OPCML: variants seen among roughly 807,000 people sequenced by gnomAD.
OPCML encodes the protein opioid-binding protein/cell adhesion molecule.
In OPCML, 13 loss-of-function variants were observed where a neutral mutation model predicts 37.8. That is an observed-to-expected ratio of 0.34 (90% confidence interval 0.22 to 0.55). OPCML has a LOEUF of 0.55. Ranked by LOEUF, OPCML falls within the 20% of genes least tolerant of loss-of-function variation. OPCML has a pLI of 0.91. For synonymous variants in OPCML, 176 were observed against 168.8 expected, an observed-to-expected ratio of 1.04 and a Z score of -0.33; for missense variants, 341 against 435.6, an observed-to-expected ratio of 0.78 and a Z score of 1.93.
At chr11:133,401,563 C>T (rs917750724) in intron 1 of OPCML, among the ~76,000 whole-genome samples, 1 of 151,982 alleles carries the variant, frequency 6.6e-6, no homozygotes, top group South Asian at 2.1e-4. Flanking sequence ...TTTCTAAATG[C>T]TATGTTGATA....
intron 1 of OPCML, among the ~76,000 whole-genome samples, chr11:133,157,541 T>C (rs576970385): frequency 6.6e-6 from 1 of 152,356 alleles, no homozygotes; most frequent in South Asian, 2.1e-4. Flanking sequence ...TGAGGAGTTA[T>C]CAGCAATGCC....
chr11:133,398,388 T>C (rs972752673), intron 1 of OPCML, among the ~76,000 whole-genome samples: 7 of 152,186 alleles, frequency 4.6e-5, no homozygotes, highest in African/African-American at 1.7e-4. Flanking sequence ...CACTACACTG[T>C]ACACTCCTCC....
chr11:132,458,081 A>C (rs2136892729), intron 4 of OPCML, among the ~76,000 whole-genome samples: 1 of 152,270 alleles, frequency 6.6e-6, no homozygotes, highest in Admixed American at 6.5e-5. Flanking sequence ...GGGAAAGACT[A>C]TTCTATCCTG....
At chr11:133,242,946 A>G (rs1413113556) in intron 1 of OPCML, among the ~76,000 whole-genome samples, 4 of 152,240 alleles carry the variant, frequency 2.6e-5, no homozygotes, top group Non-Finnish European at 4.4e-5. Flanking sequence ...AATATAAGTC[A>G]AACAAAATCA....
At chr11:132,532,924 T>G (rs2096329992) in intron 3 of OPCML, among the ~76,000 whole-genome samples, 1 of 152,212 alleles carries the variant, frequency 6.6e-6, no homozygotes, top group Admixed American at 6.5e-5. Context: ...GATGACTTTG[T>G]GAAGAAAGGA....
At chr11:132,684,599 G>T (rs569994579) in intron 2 of OPCML, among the ~76,000 whole-genome samples, 1 of 152,190 alleles carries the variant, frequency 6.6e-6, no homozygotes, top group Non-Finnish European at 1.5e-5. Flanking sequence ...ATCCTGTTAT[G>T]AAAATAAATA....
At chr11:132,583,392 G>T (rs2096466142) in intron 3 of OPCML, among the ~76,000 whole-genome samples, 1 of 151,990 alleles carries the variant, frequency 6.6e-6, no homozygotes. Context: ...TCGAACTTTT[G>T]GCTTCAAGTG....
At chr11:133,396,851 G>C (rs1194794931) in intron 1 of OPCML, among the ~76,000 whole-genome samples, 1 of 152,214 alleles carries the variant, frequency 6.6e-6, no homozygotes, top group Non-Finnish European at 1.5e-5. Flanking sequence ...CATCCAAAAA[G>C]TGATCCCTTA....
At chr11:133,140,249 C>T (rs562443467) in intron 1 of OPCML, among the ~76,000 whole-genome samples, 145 of 147,878 alleles carry the variant, frequency 9.8e-4, no homozygotes, top group African/African-American at 3.0e-3. Flanking sequence ...CGGTGGCTTA[C>T]GCCTGTAATC....
intron 1 of OPCML, among the ~76,000 whole-genome samples, chr11:133,322,045 T>G (rs1943341994): frequency 6.6e-6 from 1 of 152,192 alleles, no homozygotes; most frequent in Admixed American, 6.5e-5. Flanking sequence ...TGCCATCAAC[T>G]TTCAATTATT....
In OPCML at chr11:133,340,136, T is replaced by C. The variant is rs575341567; in HGVS notation, c.61+192128A>G. On this transcript the variant is annotated intron_variant, in intron 1 of 7. Transcript: ENST00000524381. ...TTTGTCTACATGGCAGTGAGAACTC[T>C]GTGGATTGCAGTAGGACATCACCTC... 2.6e-3 allele frequency among the ~76,000 whole-genome samples: 391 copies of C among 152,350 alleles called. 2 individuals carry two copies. The highest frequency in any genetic ancestry group is 0.01 in the Middle Eastern group (3 of 294).
rs566347386 is a variant in OPCML at position 133,168,099 on chromosome 11, A to G, written c.62-225089T>C. Among the ~76,000 whole-genome samples, 462 of 152,324 alleles carry G rather than the reference A, an allele frequency of 3.0e-3. 1 individual carries two copies. The highest frequency in any genetic ancestry group is 0.011 in the African/African-American group (448 of 41,580). Reference sequence around the variant, plus strand: ...TGATTCAGTGATCCAATGATGTCCCATCTCCCAAGGAGAAGAATTGGAAGG... The same window carrying G: ...TGATTCAGTGATCCAATGATGTCCCGTCTCCCAAGGAGAAGAATTGGAAGG... On this transcript the variant is annotated intron_variant, in intron 1 of 7. Coordinates refer to ENST00000524381, the MANE Select transcript of OPCML (RefSeq NM_001012393.5).
At chr11:133,006,401 T>A in intron 1 of OPCML, 4 of 976,182 alleles carry the variant, frequency 4.1e-6, no homozygotes, top group Middle Eastern at 5.2e-4. Context: ...AAGAACCCCA[T>A]CTTTAGCTGA....
At position 132,416,939 on chromosome 11, in the gene OPCML, G is replaced by A. The variant is rs1023251769; in HGVS notation, c.*3254C>T. 1 of 152,548 alleles carries A rather than the reference G, an allele frequency of 6.6e-6. No individual in the cohort carries two copies. The highest frequency in any genetic ancestry group is 1.5e-5 in the Non-Finnish European group (1 of 68,034). The allele number at this position is 152,548 out of a possible 1,614,324, so 9.4% of individuals were successfully genotyped here. On this transcript the variant is annotated 3_prime_UTR_variant, in exon 8 of 8. Transcript: ENST00000524381. ...AGCCTTAACACGAGCACTTTCATTG[G>A]CATTACTTTGGTGGAAGTGCATATG...
chr11:132,809,257 G>A (rs1483901543), intron 2 of OPCML, among the ~76,000 whole-genome samples: 1 of 152,182 alleles, frequency 6.6e-6, no homozygotes, highest in East Asian at 1.9e-4. Context: ...CTATGATCGT[G>A]GTGTTAACAG....
chr11:133,290,983 C>T (rs1942457553), intron 1 of OPCML, among the ~76,000 whole-genome samples: 1 of 152,202 alleles, frequency 6.6e-6, no homozygotes. Context: ...GCCTGAGATG[C>T]TCAGGTGAAT....
chr11:133,474,669 G>A (rs1424549902), intron 1 of OPCML, among the ~76,000 whole-genome samples: 2 of 152,198 alleles, frequency 1.3e-5, no homozygotes, highest in Non-Finnish European at 2.9e-5. Flanking sequence ...GAGAAGGGCG[G>A]GGCTGGAGGA....
intron 1 of OPCML, among the ~76,000 whole-genome samples, chr11:133,218,005 CA>C (rs779629006): frequency 1.6e-4 from 24 of 150,968 alleles, no homozygotes; most frequent in Non-Finnish European, 2.7e-4. Flanking sequence ...ATGATCCTGC[CA>C]CTGCACTCCA....
chr11:133,039,833 G>T (rs1426012922), intron 1 of OPCML, among the ~76,000 whole-genome samples: 1 of 152,064 alleles, frequency 6.6e-6, no homozygotes, highest in Non-Finnish European at 1.5e-5. Flanking sequence ...TTTGAGACCA[G>T]CCTGGCCAAC....
Sources: gnomAD v4.1 joint callset for allele counts (sites outside exome capture counted in the v4.1 genomes callset) on GRCh38, gnomAD v4.1.1 for gene constraint, MANE v1.5 for transcripts, NCBI Gene and HGNC (gene_info 2026-07-23, HGNC 2026-07-21) for gene names.